ST3GAL5: variants seen among roughly 807,000 people sequenced by gnomAD.
ST3GAL5 encodes ST3 beta-galactoside alpha-2,3-sialyltransferase 5, also known as lactosylceramide alpha-2,3-sialyltransferase.
Under a neutral mutation model 46.1 loss-of-function variants are expected in ST3GAL5, and 25 were observed. The ratio of observed to expected loss-of-function variants is 0.54; its 90% CI spans 0.40 to 0.76. The LOEUF is 0.76. Ranked by LOEUF, ST3GAL5 falls within the 30% of genes least tolerant of loss-of-function variation. ST3GAL5 has a pLI of 0.00. For synonymous variants in ST3GAL5, 182 were observed against 192.7 expected (o/e 0.94, Z 0.46); for missense variants, 431 against 521.2 (o/e 0.83, Z 1.69).
chr2:85,851,719 G>T (rs1029810249), intron 3 of ST3GAL5: 1 of 1,289,180 alleles, frequency 7.8e-7, no homozygotes, highest in African/African-American at 1.5e-5. Context: ...ATGAAGAGAG[G>T]AAGCAGTGTG....
Position 85,861,269 on chromosome 2 carries a change from A to G in ST3GAL5, c.230T>C (p.Val77Ala), listed in dbSNP as rs1684695603. 6.2e-7 allele frequency: 1 copy of G among 1,612,748 alleles called. No individual in the cohort carries two copies. Among genetic ancestry groups the G allele is most frequent in the African/African-American group, 1.3e-5 (1 of 74,966 alleles). ...TAACTTGAGGATATAAAGGATCCAC[A>G]CTCCAAACACAAGCAATGTACATCT... ...ILKCTLLVFGVWILYILKLNY... is the reference protein window; with the variant it reads ...ILKCTLLVFGAWILYILKLNY... Residue 77 changes from valine (V) to alanine (A), a missense_variant, in exon 3 of 7, where the codon GTG (valine) becomes GCG (alanine). By Grantham distance (64) the Val-to-Ala change is moderately conservative. Coordinates refer to ENST00000638572, the MANE Select transcript of ST3GAL5 (RefSeq NM_003896.4).
At position 85,840,092 on chromosome 2, in the gene ST3GAL5, C is replaced by G; in HGVS notation, c.*52G>C. ...TGGAGAAATACATCAAGAAGGCTGTCAAAAACAGCTCTCAGAGTTAGAGTT... is the reference window on the plus strand; with the variant it reads ...TGGAGAAATACATCAAGAAGGCTGTGAAAAACAGCTCTCAGAGTTAGAGTT... On this transcript the variant is annotated 3_prime_UTR_variant, in exon 7 of 7. Transcript: ENST00000638572. 2 of 1,613,640 alleles carry G rather than the reference C, an allele frequency of 1.2e-6. No homozygotes were observed. Among genetic ancestry groups the G allele is most frequent in the East Asian group, 4.5e-5 (2 of 44,888 alleles).
At chr2:85,861,090 T>C in intron 3 of ST3GAL5, 91 bp downstream of exon 3, 1 of 940,926 alleles carries the variant, frequency 1.1e-6, no homozygotes, top group Non-Finnish European at 1.7e-6. Context: ...TTTATTAACA[T>C]ATATTTGTCA....
chr2:85,875,249 G>C (rs1686407282), intron 1 of ST3GAL5, among the ~76,000 whole-genome samples: 1 of 151,782 alleles, frequency 6.6e-6, no homozygotes, highest in South Asian at 2.1e-4. Flanking sequence ...TGTAGAGATA[G>C]AGTCTAAGCT....
chr2:85,873,252 G>A (rs908059753), intron 1 of ST3GAL5, among the ~76,000 whole-genome samples: 8 of 152,080 alleles, frequency 5.3e-5, no homozygotes, highest in African/African-American at 1.9e-4. Flanking sequence ...TCAAGTTCCC[G>A]AGCTCTGGGC....
At chr2:85,848,325 A>C (rs756680220) in intron 3 of ST3GAL5, 121 bp from the exon 4 acceptor site, 1 of 1,601,690 alleles carries the variant, frequency 6.2e-7, no homozygotes, top group Non-Finnish European at 8.5e-7. Context: ...ACTGTCTTTT[A>C]ACACAGAATA....
intron 1 of ST3GAL5, among the ~76,000 whole-genome samples, chr2:85,886,048 C>G (rs955501233): frequency 1.3e-5 from 2 of 152,184 alleles, no homozygotes; most frequent in African/African-American, 4.8e-5. Context: ...CACCCAATGG[C>G]CCCTATCACC....
intron 1 of ST3GAL5, among the ~76,000 whole-genome samples, chr2:85,876,718 C>T (rs984117350): frequency 6.6e-6 from 1 of 152,112 alleles, no homozygotes; most frequent in African/African-American, 2.4e-5. Flanking sequence ...CCACCTCAGC[C>T]TCCCAAAGTG....
intron 1 of ST3GAL5, among the ~76,000 whole-genome samples, chr2:85,882,414 G>A (rs932612700): frequency 1.3e-5 from 2 of 152,192 alleles, no homozygotes; most frequent in Admixed American, 6.5e-5. Context: ...CCATGAAAGT[G>A]GCTAGGAGGG....
chr2:85,862,829 A>G (rs540964781), intron 2 of ST3GAL5, among the ~76,000 whole-genome samples: 109 of 152,336 alleles, frequency 7.2e-4, no homozygotes, highest in African/African-American at 2.5e-3. Flanking sequence ...TTAGACATGA[A>G]AAAAGGGCAA....
At chr2:85,874,149 C>A (rs1410468353) in intron 1 of ST3GAL5, among the ~76,000 whole-genome samples, 1 of 152,218 alleles carries the variant, frequency 6.6e-6, no homozygotes, top group Admixed American at 6.5e-5. Flanking sequence ...AAGATGCAAG[C>A]ACTTCAGTGA....
chr2:85,867,056 G>T (rs4832211), intron 1 of ST3GAL5, among the ~76,000 whole-genome samples: 111,967 of 152,118 alleles, frequency 0.74, 41,513 homozygotes, highest in East Asian at 0.99. Flanking sequence ...TTTGGGAGAC[G>T]GGGATGGGAT....
chr2:85,873,203 G>T (rs1686146376), intron 1 of ST3GAL5, among the ~76,000 whole-genome samples: 2 of 152,128 alleles, frequency 1.3e-5, no homozygotes, highest in Admixed American at 1.3e-4. Flanking sequence ...GTTAAAGGCT[G>T]GCCCCCTCGC....
Position 85,871,018 on chromosome 2 carries a change from C to T in ST3GAL5, c.83-7533G>A, listed in dbSNP as rs114553227. ...GATCAAATCAGGGTAATTAGGATAT[C>T]CATCACCTCAACCATTTATCTTTTT... On this transcript the variant is annotated intron_variant, in intron 1 of 6. Transcript: ENST00000638572. Among the ~76,000 whole-genome samples the T allele has an allele frequency of 6.8e-3, 1,028 of 151,662 alleles. 10 individuals are homozygous for T. The highest frequency in any genetic ancestry group is 0.013 in the South Asian group (61 of 4,776).
chr2:85,888,951 C>A lies in ST3GAL5; in HGVS notation c.-46G>T. ...CGGCCGCCAGCCCGGTACCCCGCGC[C>A]CCCACCCGCCCCCAGCGCCGCTCTC... On this transcript the variant is annotated 5_prime_UTR_variant, in exon 1 of 7. Coordinates refer to ENST00000638572, the MANE Select transcript of ST3GAL5 (RefSeq NM_003896.4). 1.6e-6 allele frequency: 2 copies of A among 1,252,340 alleles called. No individual in the cohort carries two copies. Among genetic ancestry groups the A allele is most frequent in the South Asian group, 2.4e-5 (1 of 41,590 alleles). 77.6% of individuals were successfully genotyped at this position (1,252,340 alleles called of 1,614,324 possible).
intron 3 of ST3GAL5, among the ~76,000 whole-genome samples, chr2:85,857,066 CAAAAAAAAAAAA>C (rs373154047): frequency 2.3e-4 from 16 of 70,896 alleles, no homozygotes; most frequent in African/African-American, 7.1e-4. Flanking sequence ...CTGCCTCTAC[CAAAAAAAAAAAA>C]AAAAAAAAAA....
At chr2:85,843,666 A>C (rs952471606) in intron 6 of ST3GAL5, among the ~76,000 whole-genome samples, 1 of 152,188 alleles carries the variant, frequency 6.6e-6, no homozygotes, top group East Asian at 1.9e-4. Context: ...ACAGGTCTTA[A>C]GTTTTAAAGA....
intron 4 of ST3GAL5, 102 bp downstream of exon 4, chr2:85,847,759 C>T (rs1682980267): frequency 8.9e-6 from 13 of 1,466,706 alleles, no homozygotes; most frequent in South Asian, 1.3e-5. Context: ...CACACCACTG[C>T]ACTCCAGCCT....
At chr2:85,864,385 C>T (rs1380280676) in intron 1 of ST3GAL5, among the ~76,000 whole-genome samples, 1 of 151,966 alleles carries the variant, frequency 6.6e-6, no homozygotes, top group African/African-American at 2.4e-5. Context: ...AAAATGAGAT[C>T]TGCTTCAAGA....
Sources: gnomAD v4.1 joint callset for allele counts (sites outside exome capture counted in the v4.1 genomes callset) on GRCh38, gnomAD v4.1.1 for gene constraint, MANE v1.5 for transcripts, NCBI Gene and HGNC (gene_info 2026-07-23, HGNC 2026-07-21) for gene names.